OPCML: variants seen among roughly 807,000 people sequenced by gnomAD.
OPCML encodes the protein opioid-binding protein/cell adhesion molecule.
OPCML carries 13 observed loss-of-function variants against 37.8 expected under a neutral mutation model. That is an observed-to-expected ratio of 0.34 (90% CI 0.22 to 0.55). The LOEUF (loss-of-function observed/expected upper bound fraction) is 0.55. Ranked by LOEUF, OPCML falls within the 20% of genes least tolerant of loss-of-function variation. The probability of loss-of-function intolerance (pLI) is 0.91; values close to 1 mark genes in which losing one functional copy is unlikely to be tolerated. For synonymous variants in OPCML, 176 were observed against 168.8 expected (o/e 1.04, Z -0.33); for missense variants, 341 against 435.6 (o/e 0.78, Z 1.93).
intron 2 of OPCML, among the ~76,000 whole-genome samples, chr11:132,679,717 G>A (rs1942858273): frequency 6.6e-6 from 1 of 152,158 alleles, no homozygotes; most frequent in South Asian, 2.1e-4. Flanking sequence ...AAACAAACAA[G>A]GTGCACACTT....
At chr11:132,655,993 G>T (rs1941687099) in intron 3 of OPCML, among the ~76,000 whole-genome samples, 1 of 151,482 alleles carries the variant, frequency 6.6e-6, no homozygotes, top group Non-Finnish European at 1.5e-5. Context: ...CTGATAAAAG[G>T]CAGATGCTAA....
At chr11:133,017,448 A>G (rs1392962144) in intron 1 of OPCML, among the ~76,000 whole-genome samples, 1 of 151,044 alleles carries the variant, frequency 6.6e-6, no homozygotes, top group Non-Finnish European at 1.5e-5. Flanking sequence ...CCCAGGCTGG[A>G]GTGCAATAGC....
chr11:132,801,776 C>T (rs147895424), intron 2 of OPCML, among the ~76,000 whole-genome samples: 2 of 152,240 alleles, frequency 1.3e-5, no homozygotes, highest in Non-Finnish European at 2.9e-5. Context: ...GCTCTAGGCT[C>T]ATGAATTCAG....
chr11:132,803,279 G>C (rs534393503), intron 2 of OPCML, among the ~76,000 whole-genome samples: 1 of 152,274 alleles, frequency 6.6e-6, no homozygotes, highest in South Asian at 2.1e-4. Flanking sequence ...CAATGCACAT[G>C]TGTTTTAGCA....
At chr11:132,958,600 C>A (rs543135327) in intron 1 of OPCML, among the ~76,000 whole-genome samples, 1 of 152,192 alleles carries the variant, frequency 6.6e-6, no homozygotes, top group Non-Finnish European at 1.5e-5. Flanking sequence ...TAAGGACAGG[C>A]TGACTCTCCG....
At chr11:132,581,843 G>T (rs1420669467) in intron 3 of OPCML, among the ~76,000 whole-genome samples, 1 of 151,970 alleles carries the variant, frequency 6.6e-6, no homozygotes, top group East Asian at 1.9e-4. Context: ...AAGCCCCAGT[G>T]TATTATCTCA....
At chr11:132,573,222 T>G (rs78420918) in intron 3 of OPCML, among the ~76,000 whole-genome samples, 13,415 of 151,844 alleles carry the variant, frequency 0.088, 1,232 homozygotes, top group African/African-American at 0.22. Context: ...AATTTGGATG[T>G]TTTTTAAACC....
intron 1 of OPCML, among the ~76,000 whole-genome samples, chr11:133,481,439 TTAAAAAAATAAA>T (rs1322428184): frequency 2.1e-4 from 21 of 102,102 alleles, no homozygotes; most frequent in Admixed American, 7.9e-4. Context: ...TTCTCCCCAG[TTAAAAAAATAAA>T]TAAATAAATA....
chr11:133,019,488 A>G (rs1018660858), intron 1 of OPCML, among the ~76,000 whole-genome samples: 1 of 152,232 alleles, frequency 6.6e-6, no homozygotes, highest in African/African-American at 2.4e-5. Context: ...TGCAGCTGCC[A>G]GGCAGAAAGA....
intron 2 of OPCML, chr11:132,859,209 A>T (rs2136352756): frequency 6.6e-6 from 1 of 152,344 alleles, no homozygotes; most frequent in East Asian, 1.9e-4. Flanking sequence ...AGCAGACTGA[A>T]GGAAGGAGTG....
At chr11:133,101,757 G>A (rs905312562) in intron 1 of OPCML, among the ~76,000 whole-genome samples, 9 of 151,894 alleles carry the variant, frequency 5.9e-5, no homozygotes, top group South Asian at 2.1e-4. Context: ...CCATAAAAAC[G>A]CCTGCACATG....
intron 1 of OPCML, among the ~76,000 whole-genome samples, chr11:133,426,282 A>G (rs1188847467): frequency 2.0e-5 from 3 of 152,200 alleles, no homozygotes; most frequent in African/African-American, 7.2e-5. Flanking sequence ...GAAACATTTC[A>G]GTAGCAGATT....
At chr11:132,559,909 A>C (rs2096406833) in intron 3 of OPCML, among the ~76,000 whole-genome samples, 1 of 152,192 alleles carries the variant, frequency 6.6e-6, no homozygotes, top group Admixed American at 6.5e-5. Context: ...GAGGCTTTGA[A>C]GCTTCAGGAA....
chr11:132,562,709 G>C (rs779430624), intron 3 of OPCML, among the ~76,000 whole-genome samples: 1 of 152,002 alleles, frequency 6.6e-6, no homozygotes, highest in East Asian at 1.9e-4. Flanking sequence ...TTTTGATGTG[G>C]GTGGGTCCTG....
chr11:132,603,967 A>G (rs1938101061), intron 3 of OPCML, among the ~76,000 whole-genome samples: 1 of 152,220 alleles, frequency 6.6e-6, no homozygotes, highest in South Asian at 2.1e-4. Flanking sequence ...TAGCTCTATC[A>G]GTGAACTTGC....
intron 2 of OPCML, among the ~76,000 whole-genome samples, chr11:132,779,567 G>A (rs890053726): frequency 1.3e-5 from 2 of 151,630 alleles, no homozygotes; most frequent in African/African-American, 4.8e-5. Flanking sequence ...GGGGGGCGTG[G>A]GGAGAGAGAG....
chr11:132,655,939 T>TAA (rs572582149), intron 3 of OPCML, among the ~76,000 whole-genome samples: 1 of 106,602 alleles, frequency 9.4e-6, no homozygotes. Flanking sequence ...TTTCACAAAC[T>TAA]AAAAAAAAAA....
At chr11:133,222,972 T>C (rs964515583) in intron 1 of OPCML, among the ~76,000 whole-genome samples, 1 of 152,080 alleles carries the variant, frequency 6.6e-6, no homozygotes, top group East Asian at 1.9e-4. Context: ...ACATTTAGAT[T>C]TCGCTTGCAG....
intron 1 of OPCML, among the ~76,000 whole-genome samples, chr11:133,399,434 G>C (rs917062144): frequency 6.6e-6 from 1 of 152,116 alleles, no homozygotes; most frequent in Non-Finnish European, 1.5e-5. Flanking sequence ...CACAGTGCTG[G>C]ATCTACAGCA....
Sources: allele counts gnomAD v4.1 joint callset (sites outside exome capture counted in the v4.1 genomes callset), GRCh38; gene constraint gnomAD v4.1.1; transcripts MANE v1.5; gene names NCBI Gene and HGNC (gene_info 2026-07-23, HGNC 2026-07-21).